RASA3: variants seen among roughly 807,000 people sequenced by gnomAD.
RASA3 encodes the protein RAS p21 protein activator 3.
A neutral mutation model predicts 110.0 loss-of-function variants in RASA3; 73 were observed. The ratio of observed to expected loss-of-function variants is 0.66; its 90% CI spans 0.55 to 0.81. The LOEUF (loss-of-function observed/expected upper bound fraction) is 0.81. Among genes scored for constraint, RASA3 ranks in the 30% least tolerant of loss-of-function variants. The pLI, the probability that RASA3 is intolerant of heterozygous loss-of-function variation, is 0.00. For synonymous variants in RASA3, 500 were observed against 451.4 expected (o/e 1.11, Z -1.37); for missense variants, 976 against 1,113.2 (o/e 0.88, Z 1.75).
intron 14 of RASA3, 127 bp from the exon 15 acceptor site, chr13:114,013,375 G>C: frequency 3.2e-6 from 1 of 317,448 alleles, no homozygotes. Flanking sequence ...CTCCACCTGT[G>C]TCTGTCTCTC....
At chr13:114,015,143 G>A (rs2053759191) in intron 14 of RASA3, 66 bp downstream of exon 14, 2 of 1,590,980 alleles carry the variant, frequency 1.3e-6, no homozygotes, top group African/African-American at 1.3e-5. Flanking sequence ...TTCTGCCTGG[G>A]TGGGAGTCAC....
chr13:114,023,334 G>A (rs1237190656), intron 8 of RASA3, among the ~76,000 whole-genome samples: 1 of 152,132 alleles, frequency 6.6e-6, no homozygotes, highest in Non-Finnish European at 1.5e-5. Flanking sequence ...CCAGGCTCGG[G>A]GGCATCCCAG....
At chr13:114,122,744 G>A (rs535726016) in intron 1 of RASA3, among the ~76,000 whole-genome samples, 11 of 151,498 alleles carry the variant, frequency 7.3e-5, no homozygotes, top group Admixed American at 2.6e-4. Context: ...GTCTCCGGCC[G>A]GTCGGCCCCG....
chr13:114,074,972 T>G (rs1468028963), intron 1 of RASA3, among the ~76,000 whole-genome samples: 1 of 152,198 alleles, frequency 6.6e-6, no homozygotes, highest in Non-Finnish European at 1.5e-5. Flanking sequence ...AAGTCCATTC[T>G]GTAAAAAAAA....
In RASA3 at chr13:114,048,649, G is replaced by A. The variant is rs1039087788; in HGVS notation, c.277+3403C>T. On this transcript the variant is annotated intron_variant, in intron 3 of 23. Coordinates refer to ENST00000334062, the MANE Select transcript of RASA3 (RefSeq NM_007368.4). This position sits in a 1 kb window ranked among gnomAD's most constrained non-coding sequence, Gnocchi z 4.3. ...GTCCAGGCAGAGGCCGCCTCCCTGC[G>A]CCTGGAATCCCGAAGGAGCCTGCGC... is the stretch of plus-strand genomic sequence containing the variant. 6.6e-6 allele frequency among the ~76,000 whole-genome samples: 1 copy of A among 152,210 alleles called. No individual in the cohort carries two copies. The highest frequency in any genetic ancestry group is 1.5e-5 in the Non-Finnish European group (1 of 68,036).
intron 5 of RASA3, 109 bp downstream of exon 5, chr13:114,029,702 C>T: frequency 1.1e-6 from 1 of 937,738 alleles, no homozygotes; most frequent in Non-Finnish European, 1.6e-6. Context: ...CCTGGGCAGC[C>T]ACCGGCTCTG....
intron 1 of RASA3, among the ~76,000 whole-genome samples, chr13:114,083,886 G>C (rs1307247291): frequency 4.3e-5 from 1 of 23,484 alleles, no homozygotes; most frequent in Non-Finnish European, 6.2e-5. Context: ...TCCCGGGGAA[G>C]TGCTGAGTCT....
Position 113,989,604 on chromosome 13 carries a change from T to C in RASA3, c.2245+2881A>G, listed in dbSNP as rs373237757. Among the ~76,000 whole-genome samples, 231 of 132,566 alleles carry C rather than the reference T, an allele frequency of 1.7e-3. 7 individuals carry two copies. In the South Asian group the frequency reaches 0.052, roughly 30 times the overall value. The allele number at this position is 132,566 out of a possible 152,430, so 87.0% of individuals were successfully genotyped here. On this transcript the variant is annotated intron_variant, in intron 22 of 23. Transcript: ENST00000334062. ...ACCCATCACTCACCCCAGTCCATCC[T>C]CTCATCACTCACCCTGTCCATCCAT...
chr13:114,109,599 C>G (rs1260192374), intron 1 of RASA3, among the ~76,000 whole-genome samples: 2 of 152,254 alleles, frequency 1.3e-5, no homozygotes, highest in Non-Finnish European at 2.9e-5. Flanking sequence ...GAGAAAAGCA[C>G]AGCTGAGCTG....
At chr13:114,113,211 C>T (rs926196253) in intron 1 of RASA3, among the ~76,000 whole-genome samples, 13 of 152,222 alleles carry the variant, frequency 8.5e-5, no homozygotes, top group Non-Finnish European at 1.6e-4. Flanking sequence ...TCAGCCACAC[C>T]GGCCTCCTCC....
At chr13:114,102,648 G>T (rs1434197368) in intron 1 of RASA3, among the ~76,000 whole-genome samples, 1 of 152,208 alleles carries the variant, frequency 6.6e-6, no homozygotes, top group Non-Finnish European at 1.5e-5. Flanking sequence ...GCCGGTGGCA[G>T]GGGCAGAAGT....
intron 21 of RASA3, among the ~76,000 whole-genome samples, chr13:113,993,824 A>AG (rs1566450448): frequency 3.4e-5 from 5 of 149,184 alleles, no homozygotes; most frequent in South Asian, 2.1e-4. Context: ...AAAAAAAAAA[A>AG]AAAAAAAGAA....
At position 114,007,586 on chromosome 13, in the gene RASA3, G is replaced by A. The variant is rs762758195; in HGVS notation, c.1689C>T (p.Ser563=). ...CACTCTTGGGGTCTCTTCTCCCCGA[G>A]GACGAAATCAGATCCAAGAACTAAA... is the stretch of plus-strand genomic sequence containing the variant. ...AVKNFLDLIS[S]SGRRDPKSVE... is the part of the protein sequence containing the mutation. Residue 563 remains serine, a synonymous_variant, in exon 18 of 24, where the codon TCC becomes TCT. Coordinates refer to ENST00000334062, the MANE Select transcript of RASA3 (RefSeq NM_007368.4). 4.3e-6 allele frequency: 7 copies of A among 1,613,276 alleles called. No individual in the cohort carries two copies. The highest frequency in any genetic ancestry group is 5.9e-6 in the Non-Finnish European group (7 of 1,179,702).
intron 21 of RASA3, among the ~76,000 whole-genome samples, chr13:113,995,876 C>T (rs187926709): frequency 1.3e-5 from 1 of 74,688 alleles, no homozygotes; most frequent in Non-Finnish European, 2.6e-5. Context: ...TGGGGAGGCC[C>T]GGCTGATGGG....
At chr13:114,100,614 G>A (rs555234286) in intron 1 of RASA3, among the ~76,000 whole-genome samples, 89 of 152,336 alleles carry the variant, frequency 5.8e-4, no homozygotes, top group African/African-American at 1.5e-3. Flanking sequence ...GGAAGAAGGC[G>A]GCTGACGTGG....
At chr13:114,078,314 A>G (rs529026005) in intron 1 of RASA3, among the ~76,000 whole-genome samples, 7 of 148,460 alleles carry the variant, frequency 4.7e-5, no homozygotes, top group Admixed American at 3.3e-4. Context: ...CTTAGAGGAA[A>G]CACGTTTTCT....
At chr13:114,100,419 A>G (rs902951406) in intron 1 of RASA3, among the ~76,000 whole-genome samples, 1 of 152,216 alleles carries the variant, frequency 6.6e-6, no homozygotes, top group Non-Finnish European at 1.5e-5. Flanking sequence ...GCACTTGGTC[A>G]GCGTGGCCTG....
intron 21 of RASA3, among the ~76,000 whole-genome samples, chr13:113,995,695 G>C (rs1247625420): frequency 7.2e-6 from 1 of 139,200 alleles, no homozygotes; most frequent in Non-Finnish European, 1.6e-5. Context: ...CCCGGCTGAT[G>C]GGGGGCTGGC....
At chr13:114,094,777 G>A (rs375106414) in intron 1 of RASA3, among the ~76,000 whole-genome samples, 126 of 152,218 alleles carry the variant, frequency 8.3e-4, no homozygotes, top group African/African-American at 3.0e-3. Context: ...TTTTATTTAT[G>A]CATTTTGTTG....
Sources: gnomAD v4.1 joint callset for allele counts (sites outside exome capture counted in the v4.1 genomes callset) on GRCh38, gnomAD v4.1.1 for gene constraint, Gnocchi (gnomAD v3.1) non-coding constraint, MANE v1.5 for transcripts, NCBI Gene and HGNC (gene_info 2026-07-23, HGNC 2026-07-21) for gene names.